The following NODAL variants were observed in gnomAD, a reference collection of about 807,000 sequenced individuals.
NODAL encodes nodal growth differentiation factor.
Under a neutral mutation model 34.0 loss-of-function variants are expected in NODAL, and 12 were observed. That is an observed-to-expected ratio of 0.35 (90% CI 0.23 to 0.57). The LOEUF (loss-of-function observed/expected upper bound fraction) is 0.57. Ranked by LOEUF, NODAL falls within the 20% of genes least tolerant of loss-of-function variation. The probability of loss-of-function intolerance (pLI) is 0.83; values close to 1 mark genes in which losing one functional copy is unlikely to be tolerated. For synonymous variants in NODAL, 162 were observed against 186.4 expected, an observed-to-expected ratio of 0.87 and a Z score of 1.07; for missense variants, 390 against 444.2, an observed-to-expected ratio of 0.88 and a Z score of 1.10.
In NODAL at chr10:70,433,015, C is replaced by T. The variant is rs1845288733; in HGVS notation, c.965G>A (p.Ser322Asn). The T allele has an allele frequency of 6.2e-7, 1 of 1,613,978 alleles. No homozygotes were observed. Among genetic ancestry groups the T allele is most frequent in the South Asian group, 1.1e-5 (1 of 91,064 alleles). Reference sequence around the variant, plus strand: ...TCTGCCATTATCCACATACAGCATGCTCAGCGGCTTGGTCTTCACTGGGGC... The same window carrying T: ...TCTGCCATTATCCACATACAGCATGTTCAGCGGCTTGGTCTTCACTGGGGC... ...CCAPVKTKPLSMLYVDNGRVL... is the reference protein window; with the variant it reads ...CCAPVKTKPLNMLYVDNGRVL... The change falls in exon 3 of 3, where the codon AGC becomes AAC. Residue 322 changes from serine (S) to asparagine (N), a missense_variant. Transcript: ENST00000287139.
rs756839201 is a variant in NODAL at position 70,435,819 on chromosome 10, C to T, written c.358G>A (p.Asp120Asn). 19 of 1,613,974 alleles carry T rather than the reference C, an allele frequency of 1.2e-5. No homozygotes were observed. The African/African-American group carries it at 1.3e-4, about 11-fold the overall frequency. ...CAGCTGTCTGAAGCCTGCTCTGTGT[C>T]GGGCTTTGGCTGGTGGAAAATCTCA... ...AIEIFHQPKP[D>N]TEQASDSCLE... is the part of the protein sequence containing the mutation. Residue 120 changes from aspartate (D) to asparagine (N), a missense_variant, in exon 2 of 3, where the codon GAC (aspartate) becomes AAC (asparagine). Coordinates refer to ENST00000287139, the MANE Select transcript of NODAL (RefSeq NM_018055.5).
rs552601743 is a variant in NODAL, at chr10:70,441,587, C to G, written c.81G>C (p.Ala27=). The G allele has an allele frequency of 6.4e-7, 1 of 1,563,590 alleles. No homozygotes were observed. The highest frequency in any genetic ancestry group is 1.9e-5 in the Admixed American group (1 of 52,296). Residue 27 remains alanine (A), a synonymous_variant, in exon 1 of 3, where the codon GCG becomes GCC. Transcript: ENST00000287139. ...LQAGAATVAT[A]LLRTRGQPSS... ...AGGGCTGCCCCCGCGTACGCAGGAGCGCAGTGGCCACCGTCGCAGCACCCG... is the reference window on the plus strand; with the variant it reads ...AGGGCTGCCCCCGCGTACGCAGGAGGGCAGTGGCCACCGTCGCAGCACCCG...
chr10:70,435,217 G>T, intron 2 of NODAL, 69 bp downstream of exon 2: 1 of 1,336,660 alleles, frequency 7.5e-7, no homozygotes, highest in Non-Finnish European at 1.0e-6. Flanking sequence ...TCATTTAATA[G>T]CAAAGCTAGA....
intron 1 of NODAL, among the ~76,000 whole-genome samples, chr10:70,441,036 A>G (rs1217244095): frequency 6.6e-6 from 1 of 152,234 alleles, no homozygotes; most frequent in African/African-American, 2.4e-5. Flanking sequence ...TTTCGCGCGC[A>G]TTGTCATCTC....
chr10:70,435,458 A>G lies in NODAL; in HGVS notation c.719T>C (p.Leu240Ser), dbSNP rs1845333256. ...EWGKRHRRHH[L>S]PDRSQLCRKV... ...CCGACACAGTTGACTTCTGTCTGGC[A>G]AGTGATGTCGACGGTGCCTCTTGCC... The change falls in exon 2 of 3, where the codon TTG (leucine) becomes TCG (serine). Residue 240 changes from leucine (L) to serine (S), a missense_variant. Coordinates refer to ENST00000287139, the MANE Select transcript of NODAL (RefSeq NM_018055.5). 1 of 1,614,068 alleles carries G rather than the reference A, an allele frequency of 6.2e-7. No homozygotes were observed. Among genetic ancestry groups the G allele is most frequent in the African/African-American group, 1.3e-5 (1 of 74,930 alleles).
chr10:70,437,983 G>A (rs1342504580), intron 1 of NODAL, among the ~76,000 whole-genome samples: 6 of 152,076 alleles, frequency 3.9e-5, no homozygotes, highest in Admixed American at 2.6e-4. Context: ...GGATTCGGGC[G>A]GTGAGTTTAA....
chr10:70,444,037 A>G (rs927456442), upstream of NODAL, among the ~76,000 whole-genome samples: 6 of 150,792 alleles, frequency 4.0e-5, no homozygotes, highest in Non-Finnish European at 8.9e-5. Flanking sequence ...GGTTCAAGCA[A>G]TTCTTCTGCT....
chr10:70,444,582 G>T (rs145431044), upstream of NODAL, among the ~76,000 whole-genome samples: 5 of 152,004 alleles, frequency 3.3e-5, no homozygotes, highest in Non-Finnish European at 7.4e-5. Flanking sequence ...TGATCTGCCC[G>T]CCTTGGCCTC....
At chr10:70,441,321 C>G (rs2132220307) in intron 1 of NODAL, among the ~76,000 whole-genome samples, 154 bp downstream of exon 1, 1 of 152,374 alleles carries the variant, frequency 6.6e-6, no homozygotes, top group Middle Eastern at 3.4e-3. Flanking sequence ...GAGACACCCG[C>G]AGAGCTAGGC....
At chr10:70,436,019 G>A (rs774920230) in intron 1 of NODAL, 36 bp from the exon 2 acceptor site, 2 of 1,570,390 alleles carry the variant, frequency 1.3e-6, no homozygotes, top group Non-Finnish European at 1.8e-6. Context: ...AGGAGGGTGA[G>A]TGAGGGCCTC....
At chr10:70,446,029 G>A (rs1352666177), upstream of NODAL, among the ~76,000 whole-genome samples, 1 of 152,168 alleles carries the variant, frequency 6.6e-6, no homozygotes, top group African/African-American at 2.4e-5. Context: ...CTGAATCTCT[G>A]TTGCTTTTTT....
rs79530989 is a variant in NODAL, at chr10:70,437,889, C to T, written c.194-1906G>A. Among the ~76,000 whole-genome samples the T allele has an allele frequency of 2.2e-4, 33 of 152,266 alleles. 1 individual carries two copies. The East Asian group carries it at 5.4e-3, about 25-fold the overall frequency. ...ATTAGCACCTACAGGAGGCAATAAC[C>T]GGCCCCTGACTAGCAGCTTTCCCCA... On this transcript the variant is annotated intron_variant, in intron 1 of 2. Coordinates refer to ENST00000287139, the MANE Select transcript of NODAL (RefSeq NM_018055.5).
upstream of NODAL, among the ~76,000 whole-genome samples, chr10:70,444,810 G>A (rs775790949): frequency 7.2e-5 from 11 of 152,138 alleles, no homozygotes; most frequent in Non-Finnish European, 1.3e-4. Context: ...TGATGTCACC[G>A]TAGAGGATGA....
At chr10:70,442,096 GA>G (rs572513667), upstream of NODAL, among the ~76,000 whole-genome samples, 98 of 152,334 alleles carry the variant, frequency 6.4e-4, no homozygotes, top group African/African-American at 2.3e-3. Flanking sequence ...CAAGAAGCAG[GA>G]AGAGAATGCC....
chr10:70,433,013 T>C lies in NODAL; in HGVS notation c.967A>G (p.Met323Val). 6.2e-7 allele frequency: 1 copy of C among 1,614,050 alleles called. No homozygotes were observed. The highest frequency in any genetic ancestry group is 8.5e-7 in the Non-Finnish European group (1 of 1,180,016). The change falls in exon 3 of 3, where the codon ATG becomes GTG. Residue 323 changes from methionine to valine, a missense_variant. By Grantham distance (21) the Met-to-Val change is conservative. Transcript: ENST00000287139. ...ACTCTGCCATTATCCACATACAGCA[T>C]GCTCAGCGGCTTGGTCTTCACTGGG... ...CAPVKTKPLS[M>V]LYVDNGRVLL...
At position 70,435,906 on chromosome 10, in the gene NODAL, C is replaced by T; in HGVS notation, c.271G>A (p.Ala91Thr). 1.2e-6 allele frequency: 2 copies of T among 1,614,132 alleles called. No homozygotes were observed. Among genetic ancestry groups the T allele is most frequent in the Non-Finnish European group, 1.7e-6 (2 of 1,180,040 alleles). Residue 91 changes from alanine to threonine, a missense_variant, in exon 2 of 3, where the codon GCT becomes ACT. Transcript: ENST00000287139. The part of the protein sequence containing the change: ...FLSQQEDLAW[A>T]ELRLQLSSPV... ...CTGGACAGCTGCAGCCGGAGCTCAGCCCATGCCAGATCCTCTTGTTGGCTC... is the reference window on the plus strand; with the variant it reads ...CTGGACAGCTGCAGCCGGAGCTCAGTCCATGCCAGATCCTCTTGTTGGCTC...
In NODAL at chr10:70,435,449, C is replaced by T; in HGVS notation, c.728G>A (p.Arg243Lys). The T allele has an allele frequency of 6.2e-7, 1 of 1,614,236 alleles. No homozygotes were observed. Among genetic ancestry groups the T allele is most frequent in the Non-Finnish European group, 8.5e-7 (1 of 1,180,048 alleles). ...CTTGACCTTCCGACACAGTTGACTT[C>T]TGTCTGGCAAGTGATGTCGACGGTG... is the stretch of plus-strand genomic sequence containing the variant. ...KRHRRHHLPD[R>K]SQLCRKVKFQ... Residue 243 changes from arginine to lysine, a missense_variant, in exon 2 of 3, where the codon AGA (arginine) becomes AAA (lysine). Transcript: ENST00000287139.
At position 70,432,730 on chromosome 10, in the gene NODAL, T is replaced by G; in HGVS notation, c.*206A>C. The G allele has an allele frequency of 1.6e-6, 1 of 621,852 alleles. No individual in the cohort carries two copies. The highest frequency in any genetic ancestry group is 2.9e-6 in the Non-Finnish European group (1 of 347,772). The allele number at this position is 621,852 out of a possible 1,614,324, so 38.5% of individuals were successfully genotyped here. The stretch of plus-strand genomic sequence containing the variant: ...CCCCCTGCACAGGCTTCTTCCTCCC[T>G]CTTCCTGACAGCAGCCTCTGTGCTT... On this transcript the variant is annotated 3_prime_UTR_variant, in exon 3 of 3. Transcript: ENST00000287139.
chr10:70,435,181 G>A (rs1485076331), intron 2 of NODAL, 105 bp downstream of exon 2: 1 of 1,009,430 alleles, frequency 9.9e-7, no homozygotes, highest in Non-Finnish European at 1.5e-6. Context: ...GGAGGTGCTT[G>A]AGTAACTGTG....
Sources: allele counts gnomAD v4.1 joint callset (sites outside exome capture counted in the v4.1 genomes callset), GRCh38; gene constraint gnomAD v4.1.1; transcripts MANE v1.5; gene names NCBI Gene and HGNC (gene_info 2026-07-23, HGNC 2026-07-21).